Variants in UNC5A observed in about 807,000 individuals in gnomAD.
The protein encoded by UNC5A is netrin receptor UNC5A.
Under a neutral mutation model 87.4 loss-of-function variants are expected in UNC5A, and 20 were observed. The observed-to-expected ratio is 0.23, with a 90% confidence interval of 0.16 to 0.33. UNC5A has a LOEUF of 0.33. Ranked by LOEUF, UNC5A falls within the 10% of genes least tolerant of loss-of-function variation. The pLI is 1.00. For missense variants in UNC5A, 844 were observed against 1,133.4 expected (o/e 0.74, Z 3.67); for synonymous variants, 438 against 482.3 (o/e 0.91, Z 1.20).
chr5:176,870,301 A>G, intron 5 of UNC5A, 69 bp from the exon 6 acceptor site: 2 of 1,565,788 alleles, frequency 1.3e-6, no homozygotes, highest in African/African-American at 1.4e-5. Context: ...GAGGGGCCAC[A>G]CTGGCAGACT....
intron 1 of UNC5A, among the ~76,000 whole-genome samples, chr5:176,831,323 T>C (rs1453481378): frequency 2.6e-5 from 4 of 152,118 alleles, no homozygotes; most frequent in Admixed American, 2.6e-4. Flanking sequence ...CAGGCAGCTG[T>C]ATGGAACCCC....
chr5:176,817,706 G>C (rs1464083625), intron 1 of UNC5A, among the ~76,000 whole-genome samples: 85 of 152,168 alleles, frequency 5.6e-4, no homozygotes, highest in Admixed American at 5.6e-3. Context: ...CCTTAGGCCG[G>C]CGGATCTGCG....
intron 1 of UNC5A, among the ~76,000 whole-genome samples, chr5:176,839,595 T>G (rs1757223150): frequency 6.6e-6 from 1 of 152,194 alleles, no homozygotes; most frequent in Admixed American, 6.5e-5. Context: ...AGGGTTGGAC[T>G]TCCCTGGTTT....
rs970544271 is a variant in UNC5A, at chr5:176,838,288, A to G, written c.71-24336A>G. 6.6e-6 allele frequency among the ~76,000 whole-genome samples: 1 copy of G among 152,178 alleles called. No individual in the cohort carries two copies. Among genetic ancestry groups the G allele is most frequent in the African/African-American group, 2.4e-5 (1 of 41,438 alleles). On this transcript the variant is annotated intron_variant, in intron 1 of 14. Coordinates refer to ENST00000329542, the MANE Select transcript of UNC5A (RefSeq NM_133369.3). The surrounding 1 kb of genome is among the most constrained non-coding windows in gnomAD (Gnocchi z 4.2). The stretch of plus-strand genomic sequence containing the variant: ...TTTTAGGAAGCCACTCCCCTGCTAA[A>G]AAGCCTGTGATGGTTCCCCAATGCC...
intron 1 of UNC5A, among the ~76,000 whole-genome samples, chr5:176,845,667 G>T (rs1314448022): frequency 6.6e-6 from 1 of 152,210 alleles, no homozygotes; most frequent in African/African-American, 2.4e-5. Flanking sequence ...CAGCCCCTCT[G>T]CTCCTGGAGC....
In UNC5A at chr5:176,869,725, G is replaced by T. The variant is rs1758063997; in HGVS notation, c.722-645G>T. ...ACCAACCCGGCGCCTCTCAACGGGG[G>T]CGCTTTCTGTGAGGGGCAGAATGTC... On this transcript the variant is annotated intron_variant, in intron 5 of 14. Transcript: ENST00000329542. The surrounding 1 kb of genome is among the most constrained non-coding windows in gnomAD (Gnocchi z 9.1). 2 of 658,002 alleles carry T rather than the reference G, an allele frequency of 3.0e-6. No homozygotes were observed. Among genetic ancestry groups the T allele is most frequent in the Non-Finnish European group, 5.6e-6 (2 of 358,172 alleles). The allele number at this position is 658,002 out of a possible 1,614,324, so 40.8% of individuals were successfully genotyped here.
chr5:176,825,300 C>T lies in UNC5A; in HGVS notation c.70+14480C>T, dbSNP rs184929207. 5.9e-4 allele frequency among the ~76,000 whole-genome samples: 89 copies of T among 152,098 alleles called. 1 individual carries two copies. Among genetic ancestry groups the T allele is most frequent in the African/African-American group, 1.9e-3 (77 of 41,470 alleles). ...ATTTTGAGGAAGCCAAAAGGGGGCC[C>T]GGGAGAGAGCAGTAGGGGCCCAGGA... On this transcript the variant is annotated intron_variant, in intron 1 of 14. Coordinates refer to ENST00000329542, the MANE Select transcript of UNC5A (RefSeq NM_133369.3).
rs1441273086 is a variant in UNC5A at position 176,862,608 on chromosome 5, CT to C, written c.71-15del. On this transcript the variant is annotated splice_polypyrimidine_tract_variant and intron_variant, in intron 1 of 14. Transcript: ENST00000329542. The stretch of plus-strand genomic sequence containing the variant: ...GTCTGGCCCCTGGCTCACCTTCCCC[CT>C]CTGCCCTGCCGCAGGTGCCCAGCAG... 2 of 1,612,048 alleles carry C rather than the reference CT, an allele frequency of 1.2e-6. No homozygotes were observed. The highest frequency in any genetic ancestry group is 2.2e-5 in the South Asian group (2 of 91,026).
chr5:176,834,254 T>G (rs989409583), intron 1 of UNC5A, among the ~76,000 whole-genome samples: 1 of 152,176 alleles, frequency 6.6e-6, no homozygotes, highest in African/African-American at 2.4e-5. Flanking sequence ...CAGGGCCCCC[T>G]GCCCGTCCCT....
chr5:176,813,883 C>T (rs1029644037), intron 1 of UNC5A, among the ~76,000 whole-genome samples: 3 of 152,206 alleles, frequency 2.0e-5, no homozygotes, highest in African/African-American at 7.2e-5. Flanking sequence ...TGTGTGTCCA[C>T]GCATATGCAT....
intron 1 of UNC5A, among the ~76,000 whole-genome samples, chr5:176,827,690 C>T (rs1014450364): frequency 1.3e-5 from 2 of 152,158 alleles, no homozygotes; most frequent in Non-Finnish European, 2.9e-5. Context: ...CTGGGTCATA[C>T]GGTAACTATG....
chr5:176,875,467 GC>G lies in UNC5A; in HGVS notation c.1378+907del, dbSNP rs149124255. On this transcript the variant is annotated intron_variant, in intron 8 of 14. Transcript: ENST00000329542. The surrounding 1 kb of genome is among the most constrained non-coding windows in gnomAD (Gnocchi z 5.2). The stretch of plus-strand genomic sequence containing the variant: ...CTTGACCTGCTGCTCGTCCTCTCTT[GC>G]CCCCCGCCAGCTTCAGTCCCACGCC... Among the ~76,000 whole-genome samples, 2 of 151,556 alleles carry G rather than the reference GC, an allele frequency of 1.3e-5. No homozygotes were observed. Among genetic ancestry groups the G allele is most frequent in the African/African-American group, 4.9e-5 (2 of 41,188 alleles).
At chr5:176,852,415 C>T (rs916161360) in intron 1 of UNC5A, among the ~76,000 whole-genome samples, 2 of 152,106 alleles carry the variant, frequency 1.3e-5, no homozygotes, top group African/African-American at 2.4e-5. Flanking sequence ...GCACAGGCGC[C>T]GGCCAAGGAT....
At chr5:176,859,787 AGCT>A (rs1757786962) in intron 1 of UNC5A, among the ~76,000 whole-genome samples, 1 of 66,498 alleles carries the variant, frequency 1.5e-5, no homozygotes, top group Non-Finnish European at 5.9e-5. Flanking sequence ...TAGAGGGCAT[AGCT>A]GCTAGAATGT....
intron 1 of UNC5A, among the ~76,000 whole-genome samples, chr5:176,823,146 G>T (rs1328043823): frequency 4.0e-5 from 6 of 149,312 alleles, no homozygotes; most frequent in Admixed American, 2.7e-4. Flanking sequence ...CGCTGCAAAG[G>T]GGGAGATGTT....
Position 176,879,306 on chromosome 5 carries a change from C to T in UNC5A, c.2185-4C>T. 1.3e-6 allele frequency: 2 copies of T among 1,590,020 alleles called. No individual in the cohort carries two copies. Among genetic ancestry groups the T allele is most frequent in the Non-Finnish European group, 1.7e-6 (2 of 1,168,422 alleles). On this transcript the variant is annotated splice_polypyrimidine_tract_variant and splice_region_variant and intron_variant, in intron 13 of 14. Transcript: ENST00000329542. ...ACAGGCACCTCTTTCCCTCCCACCT[C>T]CAGGACACAAGGTTTGCTGAGCTGC...
Position 176,831,767 on chromosome 5 carries a change from C to T in UNC5A, c.70+20947C>T, listed in dbSNP as rs74823307. ...AAGTCCTCATCTGTCTGCTCTCAAC[C>T]CACCCATCCCCACTGCTGTACCCAC... On this transcript the variant is annotated intron_variant, in intron 1 of 14. Transcript: ENST00000329542. 3.2e-4 allele frequency among the ~76,000 whole-genome samples: 49 copies of T among 152,302 alleles called. 1 individual carries two copies. The East Asian group carries it at 8.5e-3, about 26-fold the overall frequency.
intron 2 of UNC5A, among the ~76,000 whole-genome samples, chr5:176,867,087 C>A (rs1245572200): frequency 6.6e-6 from 1 of 152,182 alleles, no homozygotes; most frequent in Admixed American, 6.5e-5. Flanking sequence ...GCAATGCAGC[C>A]CTAATTGAAT....
At chr5:176,821,257 T>G (rs1371019483) in intron 1 of UNC5A, among the ~76,000 whole-genome samples, 1 of 152,220 alleles carries the variant, frequency 6.6e-6, no homozygotes, top group Admixed American at 6.5e-5. Context: ...GGCTTGTCCT[T>G]GGTTTCGGGC....
Sources: allele counts gnomAD v4.1 joint callset (sites outside exome capture counted in the v4.1 genomes callset), GRCh38; gene constraint gnomAD v4.1.1; non-coding constraint Gnocchi (gnomAD v3.1); transcripts MANE v1.5; gene names NCBI Gene and HGNC (gene_info 2026-07-23, HGNC 2026-07-21).